Variants in DSC1 observed in about 807,000 individuals in gnomAD.
The protein encoded by DSC1 is desmocollin-1.
Under a neutral mutation model 98.8 loss-of-function variants are expected in DSC1, and 79 were observed. The observed-to-expected ratio is 0.80, with a 90% CI of 0.67 to 0.96. The LOEUF is 0.96. DSC1 is among the 50% of genes least tolerant of loss of function. The pLI is 0.00. For synonymous variants in DSC1, 405 were observed against 372.1 expected (o/e 1.09, Z -1.02); for missense variants, 1,115 against 1,075.9 (o/e 1.04, Z -0.51).
At chr18:31,147,383 C>A (rs1988868429) in intron 6 of DSC1, among the ~76,000 whole-genome samples, 2 of 152,010 alleles carry the variant, frequency 1.3e-5, no homozygotes, top group African/African-American at 4.8e-5. Flanking sequence ...TTGTCTGTTG[C>A]ACATTCAGAT....
intron 1 of DSC1, among the ~76,000 whole-genome samples, chr18:31,162,033 C>T (rs1989219819): frequency 6.6e-6 from 1 of 152,158 alleles, no homozygotes; most frequent in Admixed American, 6.5e-5. Flanking sequence ...ATGACAGTCA[C>T]ATTTTTGTTA....
chr18:31,131,981 C>T, intron 14 of DSC1, 139 bp from the exon 15 acceptor site: 1 of 1,020,132 alleles, frequency 9.8e-7, no homozygotes, highest in East Asian at 2.6e-5. Flanking sequence ...ATAATAGTAT[C>T]ATAGGTGTGA....
Position 31,132,412 on chromosome 18 carries a change from G to A in DSC1, c.2238+156C>T, listed in dbSNP as rs1329965874. 4 of 978,456 alleles carry A rather than the reference G, an allele frequency of 4.1e-6. No individual in the cohort carries two copies. The African/African-American group carries it at 4.9e-5, about 12-fold the overall frequency. The allele number at this position is 978,456 out of a possible 1,614,324, so 60.6% of individuals were successfully genotyped here. A position where few individuals can be genotyped will look rare whatever the true frequency, so the allele number is the denominator to read the frequency against. On this transcript the variant is annotated intron_variant, in intron 14 of 15. Transcript: ENST00000257198. ...CAGCCCTAGCCCTGTAGAATTGGGAGGTTTAAATGATTTAAAACACTGAGG... is the reference window on the plus strand; with the variant it reads ...CAGCCCTAGCCCTGTAGAATTGGGAAGTTTAAATGATTTAAAACACTGAGG...
intron 9 of DSC1, 56 bp downstream of exon 9, chr18:31,141,943 A>T: frequency 1.3e-6 from 2 of 1,508,280 alleles, no homozygotes; most frequent in South Asian, 2.6e-5. Flanking sequence ...ATCTCTTAAA[A>T]TCAGTGCGTG....
Position 31,162,519 on chromosome 18 carries a change from G to T in DSC1, c.63+13C>A. ...ACATGCTTGAATTCCCTAATCCTTT[G>T]GTTGTTACTCACCAGGAGAGAGAAA... On this transcript the variant is annotated intron_variant, in intron 1 of 15. Coordinates refer to ENST00000257198, the MANE Select transcript of DSC1 (RefSeq NM_024421.2). The T allele has an allele frequency of 6.2e-7, 1 of 1,613,528 alleles. No homozygotes were observed. The highest frequency in any genetic ancestry group is 8.5e-7 in the Non-Finnish European group (1 of 1,179,568).
In DSC1 at chr18:31,162,763, G is replaced by A. The variant is rs1295074815; in HGVS notation, c.-169C>T. The A allele has an allele frequency of 1.2e-5, 7 of 593,480 alleles. No homozygotes were observed. The Admixed American group carries it at 2.1e-4, about 18-fold the overall frequency. The allele number at this position is 593,480 out of a possible 1,614,324, so 36.8% of individuals were successfully genotyped here. A position where few individuals can be genotyped will look rare whatever the true frequency, so the allele number is the denominator to read the frequency against. On this transcript the variant is annotated 5_prime_UTR_variant, in exon 1 of 16. Transcript: ENST00000257198. Reference sequence around the variant, plus strand: ...GGAGGCAAGTGATAAACAGTAGGAGGAGCAACGGGAGAATTTCTTTCCCCC... The same window carrying A: ...GGAGGCAAGTGATAAACAGTAGGAGAAGCAACGGGAGAATTTCTTTCCCCC...
chr18:31,157,519 G>C lies in DSC1; in HGVS notation c.203C>G (p.Ala68Gly). 1 of 1,614,194 alleles carries C rather than the reference G, an allele frequency of 6.2e-7. No homozygotes were observed. Among genetic ancestry groups the C allele is most frequent in the Non-Finnish European group, 8.5e-7 (1 of 1,180,036 alleles). The change falls in exon 3 of 16, where the codon GCC (alanine) becomes GGC (glycine). Residue 68 changes from alanine (A) to glycine (G), a missense_variant. Transcript: ENST00000257198. ...SASLIRSSDP[A>G]FRILEDGSIY... ...TGAGCCATCTTCTAGAATTCTGAAGGCAGGGTCACTGGACCGGATTAGGCT... is the reference window on the plus strand; with the variant it reads ...TGAGCCATCTTCTAGAATTCTGAAGCCAGGGTCACTGGACCGGATTAGGCT...
At chr18:31,145,533 A>G (rs1185502076) in intron 7 of DSC1, 78 bp downstream of exon 7, 4 of 1,521,302 alleles carry the variant, frequency 2.6e-6, no homozygotes, top group Admixed American at 3.5e-5. Context: ...CAGACTGGCC[A>G]TATTGCAACT....
chr18:31,157,565 C>A lies in DSC1; in HGVS notation c.157G>T (p.Glu53Ter). ...AETLVGKVNLEECLKSASLIR... is the reference protein window; with the variant it reads ...AETLVGKVNL ...AGGCTGGCCGACTTGAGACACTCCT[C>A]CAGATTCACTGCAGGGAAGAAATAT... The change falls in exon 3 of 16, where the codon GAG becomes TAG. Residue 53 changes from glutamate to a stop codon, truncating the protein, a stop_gained. Transcript: ENST00000257198. LOFTEE classifies it high-confidence loss of function. 1 of 1,614,140 alleles carries A rather than the reference C, an allele frequency of 6.2e-7. No homozygotes were observed. The highest frequency in any genetic ancestry group is 8.5e-7 in the Non-Finnish European group (1 of 1,180,004).
intron 11 of DSC1, among the ~76,000 whole-genome samples, chr18:31,136,873 T>C (rs1348284929): frequency 6.6e-6 from 1 of 152,094 alleles, no homozygotes; most frequent in Non-Finnish European, 1.5e-5. Flanking sequence ...TGGGAAGAGG[T>C]AAACAGCCAA....
intron 2 of DSC1, among the ~76,000 whole-genome samples, chr18:31,159,046 G>GTTTTTTTTTTTTT (rs1174794772): frequency 6.2e-5 from 4 of 64,188 alleles, no homozygotes; most frequent in Non-Finnish European, 8.4e-5. Context: ...GCTACTATGT[G>GTTTTTTTTTTTTT]GTTTTTTTTT....
At position 31,162,521 on chromosome 18, in the gene DSC1, T is replaced by C; in HGVS notation, c.63+11A>G. 1 of 1,613,802 alleles carries C rather than the reference T, an allele frequency of 6.2e-7. No individual in the cohort carries two copies. Among genetic ancestry groups the C allele is most frequent in the Non-Finnish European group, 8.5e-7 (1 of 1,179,746 alleles). On this transcript the variant is annotated intron_variant, in intron 1 of 15. Transcript: ENST00000257198. Reference sequence around the variant, plus strand: ...ATGCTTGAATTCCCTAATCCTTTGGTTGTTACTCACCAGGAGAGAGAAAAG... The same window carrying C: ...ATGCTTGAATTCCCTAATCCTTTGGCTGTTACTCACCAGGAGAGAGAAAAG...
intron 7 of DSC1, 110 bp from the exon 8 acceptor site, chr18:31,143,901 T>A: frequency 1.3e-6 from 1 of 777,670 alleles, no homozygotes; most frequent in Non-Finnish European, 1.8e-6. Context: ...CTTTTTTACT[T>A]TTTCTTTTAT....
At chr18:31,132,524 A>G in intron 14 of DSC1, 44 bp downstream of exon 14, 1 of 1,605,028 alleles carries the variant, frequency 6.2e-7, no homozygotes, top group Non-Finnish European at 8.5e-7. Flanking sequence ...ATCTGTCATC[A>G]TTTGTTCACC....
intron 9 of DSC1, among the ~76,000 whole-genome samples, chr18:31,140,637 C>A (rs1230894595): frequency 6.6e-6 from 1 of 152,130 alleles, no homozygotes; most frequent in Non-Finnish European, 1.5e-5. Flanking sequence ...TATGGGATAA[C>A]AGTGACAACT....
At chr18:31,140,649 A>T (rs768689986) in intron 9 of DSC1, among the ~76,000 whole-genome samples, 1 of 152,236 alleles carries the variant, frequency 6.6e-6, no homozygotes, top group Non-Finnish European at 1.5e-5. Context: ...GTGACAACTA[A>T]ATTGCCTCCA....
intron 7 of DSC1, among the ~76,000 whole-genome samples, chr18:31,144,238 T>TAA (rs11361564): frequency 1.1e-4 from 17 of 151,252 alleles, no homozygotes; most frequent in Admixed American, 9.2e-4. Flanking sequence ...ATAATTTTGT[T>TAA]AAAAAAAAAT....
chr18:31,145,581 A>G (rs763134471), intron 7 of DSC1, 30 bp downstream of exon 7: 2 of 1,611,096 alleles, frequency 1.2e-6, no homozygotes, highest in Non-Finnish European at 1.7e-6. Flanking sequence ...ATGTAGTTCA[A>G]TGACTAGATA....
chr18:31,132,617 T>C lies in DSC1; in HGVS notation c.2189A>G (p.Gln730Arg), dbSNP rs893306090. 3.7e-6 allele frequency: 6 copies of C among 1,613,524 alleles called. No homozygotes were observed. The highest frequency in any genetic ancestry group is 1.3e-5 in the African/African-American group (1 of 74,904). ...VKKCFPEDIA[Q>R]QNLIVSNTEG... ...AGTATTTGATACAATTAAATTTTGC[T>C]GGGCTATGTCTTCTGGAAAACATTT... The change falls in exon 14 of 16, where the codon CAG becomes CGG. Residue 730 changes from glutamine (Q) to arginine (R), a missense_variant. Coordinates refer to ENST00000257198, the MANE Select transcript of DSC1 (RefSeq NM_024421.2).
Sources: gnomAD v4.1 joint callset for allele counts (sites outside exome capture counted in the v4.1 genomes callset) on GRCh38, gnomAD v4.1.1 for gene constraint, MANE v1.5 for transcripts, NCBI Gene and HGNC (gene_info 2026-07-23, HGNC 2026-07-21) for gene names.